TSHZ2: variants seen among roughly 807,000 people sequenced by gnomAD.
TSHZ2 encodes teashirt zinc finger homeobox 2.
TSHZ2 carries 21 observed loss-of-function variants against 74.4 expected under a neutral mutation model. That is an observed-to-expected ratio of 0.28 (90% CI 0.20 to 0.41). The LOEUF (loss-of-function observed/expected upper bound fraction) is 0.41, where lower values mean the gene tolerates loss of function less well. Among genes scored for constraint, TSHZ2 ranks in the 10% least tolerant of loss-of-function variants. The pLI is 1.00. For missense variants in TSHZ2, 1,244 were observed against 1,293.5 expected (o/e 0.96, Z 0.59); for synonymous variants, 540 against 515.3 (o/e 1.05, Z -0.65).
chr20:53,133,673 C>G (rs916198286), intron 1 of TSHZ2, among the ~76,000 whole-genome samples: 6 of 152,068 alleles, frequency 3.9e-5, no homozygotes, highest in African/African-American at 1.4e-4. Flanking sequence ...TAATAAAAAT[C>G]AACTAAACAT....
Position 53,100,202 on chromosome 20 carries a change from G to A in TSHZ2, c.40+126869G>A, listed in dbSNP as rs78401178. Among the ~76,000 whole-genome samples the A allele has an allele frequency of 4.5e-3, 680 of 152,178 alleles. 4 individuals are homozygous for A. The highest frequency in any genetic ancestry group is 6.8e-3 in the Middle Eastern group (2 of 294). ...AAAGATGGAGCCTTGATTTGCACTCGTGGACTCTGATTCTGTGCCTGCTTT... is the reference window on the plus strand; with the variant it reads ...AAAGATGGAGCCTTGATTTGCACTCATGGACTCTGATTCTGTGCCTGCTTT... On this transcript the variant is annotated intron_variant, in intron 1 of 2. Coordinates refer to ENST00000371497, the MANE Select transcript of TSHZ2 (RefSeq NM_173485.6).
At chr20:53,174,593 G>A (rs1453057752) in intron 1 of TSHZ2, among the ~76,000 whole-genome samples, 1 of 152,180 alleles carries the variant, frequency 6.6e-6, no homozygotes, top group Non-Finnish European at 1.5e-5. Flanking sequence ...AATACTGGTG[G>A]GTGGATGCCT....
At chr20:53,004,763 T>C (rs1982577658) in intron 1 of TSHZ2, among the ~76,000 whole-genome samples, 1 of 152,196 alleles carries the variant, frequency 6.6e-6, no homozygotes, top group Non-Finnish European at 1.5e-5. Context: ...AGGTTTAATC[T>C]GAGTGGTTCA....
chr20:53,163,558 G>T (rs1987997643), intron 1 of TSHZ2, among the ~76,000 whole-genome samples: 1 of 151,814 alleles, frequency 6.6e-6, no homozygotes, highest in Non-Finnish European at 1.5e-5. Flanking sequence ...ACCCACTAAT[G>T]TGTCATCTAG....
chr20:53,005,291 A>G (rs557928628), intron 1 of TSHZ2, among the ~76,000 whole-genome samples: 1 of 152,282 alleles, frequency 6.6e-6, no homozygotes, highest in South Asian at 2.1e-4. Flanking sequence ...CAGCCTGGGC[A>G]ACAGAGAGAG....
chr20:53,109,712 T>C (rs565575692), intron 1 of TSHZ2, among the ~76,000 whole-genome samples: 132 of 152,336 alleles, frequency 8.7e-4, no homozygotes, highest in African/African-American at 2.9e-3. Context: ...GCGGCTGCTG[T>C]TGTTTTCCTG....
At chr20:53,293,890 T>G (rs551125935) in intron 2 of TSHZ2, among the ~76,000 whole-genome samples, 2 of 151,436 alleles carry the variant, frequency 1.3e-5, no homozygotes, top group East Asian at 3.9e-4. Flanking sequence ...GTGGTGCATG[T>G]CTGTAATCCC....
intron 1 of TSHZ2, among the ~76,000 whole-genome samples, chr20:53,184,977 G>A (rs1361004397): frequency 6.6e-6 from 1 of 152,146 alleles, no homozygotes; most frequent in Admixed American, 6.5e-5. Flanking sequence ...CTAAAGTGCT[G>A]GGATTACAGG....
intron 1 of TSHZ2, among the ~76,000 whole-genome samples, chr20:53,130,097 T>C (rs1987061457): frequency 6.6e-6 from 1 of 151,964 alleles, no homozygotes; most frequent in African/African-American, 2.4e-5. Context: ...GTGTGGTTGA[T>C]AGTGGCTCAG....
At chr20:53,001,205 CGTGTGTGTGTGTGT>C (rs558621179) in intron 1 of TSHZ2, among the ~76,000 whole-genome samples, 130 of 94,262 alleles carry the variant, frequency 1.4e-3, no homozygotes, top group African/African-American at 3.8e-3. Context: ...CGTTCATGTG[CGTGTGTGTGTGTGT>C]GTGTGTGTGT....
chr20:53,119,028 G>A (rs1986741131), intron 1 of TSHZ2, among the ~76,000 whole-genome samples: 1 of 151,982 alleles, frequency 6.6e-6, no homozygotes, highest in African/African-American at 2.4e-5. Context: ...ACTATCATTA[G>A]AACAGCTCCA....
At position 53,288,400 on chromosome 20, in the gene TSHZ2, G is replaced by T. The variant is rs1991209456; in HGVS notation, c.*8+31829G>T. On this transcript the variant is annotated intron_variant, in intron 2 of 2. Coordinates refer to ENST00000371497, the MANE Select transcript of TSHZ2 (RefSeq NM_173485.6). ...CACTCCAGCCTGGGTGACAGAGCAA[G>T]ACTCCGTTTCAAAAAAAAAAAAAAA... Among the ~76,000 whole-genome samples the T allele has an allele frequency of 3.6e-5, 4 of 110,776 alleles. No individual in the cohort carries two copies. In the South Asian group the frequency reaches 1.2e-3, roughly 34 times the overall value. 72.7% of individuals were successfully genotyped at this position (110,776 alleles called of 152,430 possible). A position where few individuals can be genotyped will look rare whatever the true frequency, so the allele number is the denominator to read the frequency against.
Position 53,254,467 on chromosome 20 carries a change from A to G in TSHZ2, c.1009A>G (p.Thr337Ala), listed in dbSNP as rs779401279. Residue 337 changes from threonine to alanine, a missense_variant, in exon 2 of 3, where the codon ACA becomes GCA. Around this residue, in one of 6 missense-constraint regions of TSHZ2, gnomAD observed 470 missense variants for 456.5 expected, o/e 1.03. Transcript: ENST00000371497. Reference sequence around the variant, plus strand: ...TCGGCCGTGTTCCCCCGATTCAACCACAGGATCTTTTGCAGATTCTTTTTC... The same window carrying G: ...TCGGCCGTGTTCCCCCGATTCAACCGCAGGATCTTTTGCAGATTCTTTTTC... ...VNRPCSPDST[T>A]GSFADSFSSQ... The G allele has an allele frequency of 6.2e-7, 1 of 1,614,056 alleles. No individual in the cohort carries two copies. The highest frequency in any genetic ancestry group is 8.5e-7 in the Non-Finnish European group (1 of 1,179,910).
At chr20:53,130,529 G>A (rs1285126770) in intron 1 of TSHZ2, among the ~76,000 whole-genome samples, 5 of 152,210 alleles carry the variant, frequency 3.3e-5, no homozygotes, top group African/African-American at 1.2e-4. Flanking sequence ...AGGAGGCTGA[G>A]GCATGAGAAT....
intron 1 of TSHZ2, among the ~76,000 whole-genome samples, chr20:53,166,366 C>A (rs1988063022): frequency 6.6e-6 from 1 of 152,056 alleles, no homozygotes; most frequent in Non-Finnish European, 1.5e-5. Flanking sequence ...ACCTGTAATC[C>A]CAACACTCTG....
intron 1 of TSHZ2, among the ~76,000 whole-genome samples, chr20:53,172,544 G>A (rs1988227049): frequency 6.6e-6 from 1 of 151,718 alleles, no homozygotes; most frequent in Non-Finnish European, 1.5e-5. Context: ...GACTTACAAC[G>A]TTCAACAAAT....
At chr20:53,120,057 A>G (rs984759686) in intron 1 of TSHZ2, among the ~76,000 whole-genome samples, 9 of 152,352 alleles carry the variant, frequency 5.9e-5, no homozygotes, top group Middle Eastern at 3.4e-3. Flanking sequence ...TCACAAACAT[A>G]CAATTTCCCT....
intron 2 of TSHZ2, among the ~76,000 whole-genome samples, chr20:53,444,508 G>T (rs1055066808): frequency 1.3e-5 from 2 of 152,202 alleles, no homozygotes; most frequent in Non-Finnish European, 2.9e-5. Context: ...GATTGAGAGA[G>T]GCCCACACAT....
chr20:53,441,722 C>T (rs1193390195), intron 2 of TSHZ2, among the ~76,000 whole-genome samples: 1 of 152,000 alleles, frequency 6.6e-6, no homozygotes, highest in African/African-American at 2.4e-5. Flanking sequence ...GCTGGGATTA[C>T]AGGCATGTGC....
Sources: allele counts gnomAD v4.1 joint callset (sites outside exome capture counted in the v4.1 genomes callset), GRCh38; gene constraint gnomAD v4.1.1; regional missense constraint gnomAD v4.1.1; transcripts MANE v1.5; gene names NCBI Gene and HGNC (gene_info 2026-07-23, HGNC 2026-07-21).